The following SPATA9 variants were observed in gnomAD, a reference collection of about 807,000 sequenced individuals.
SPATA9 encodes the protein spermatogenesis associated 9, also known as spermatogenesis-associated protein 9.
A neutral mutation model predicts 25.5 loss-of-function variants in SPATA9; 27 were observed. That is an observed-to-expected ratio of 1.06 (90% CI 0.78 to 1.46). The LOEUF (loss-of-function observed/expected upper bound fraction) is 1.46, where lower values mean the gene tolerates loss of function less well. Among genes scored for constraint, SPATA9 ranks in the 40% most tolerant of loss-of-function variants. The probability of loss-of-function intolerance (pLI) is 0.00; values close to 1 mark genes in which losing one functional copy is unlikely to be tolerated. For synonymous variants in SPATA9, 102 were observed against 105.7 expected (o/e 0.97, Z 0.21); for missense variants, 282 against 297.5 (o/e 0.95, Z 0.38).
the SPATA9 span, among the ~76,000 whole-genome samples, chr5:95,706,107 G>C: frequency 6.6e-6 from 1 of 152,042 alleles, no homozygotes; most frequent in Non-Finnish European, 1.5e-5. Flanking sequence ...TTTTAGACTG[G>C]TTTGTAACAG....
At chr5:95,722,432 CT>C in the SPATA9 span, among the ~76,000 whole-genome samples, 2 of 152,068 alleles carry the variant, frequency 1.3e-5, no homozygotes, top group African/African-American at 2.4e-5. Context: ...ATCAATGGTG[CT>C]TGATAATAAT....
intron 2 of SPATA9, among the ~76,000 whole-genome samples, chr5:95,679,075 T>A (rs1163686583): frequency 6.6e-6 from 1 of 152,232 alleles, no homozygotes. Context: ...GATGTCACCA[T>A]AAACCATGCT....
the SPATA9 span, chr5:95,731,915 G>T: frequency 6.2e-7 from 1 of 1,614,094 alleles, no homozygotes; most frequent in Non-Finnish European, 8.5e-7. Context: ...CAGGACAACC[G>T]GCCGTCGGGG....
the SPATA9 span, chr5:95,731,562 G>A: frequency 2.2e-5 from 32 of 1,481,902 alleles, no homozygotes; most frequent in African/African-American, 1.4e-4. Flanking sequence ...CGGTGGAGGC[G>A]CGCGAGGGGG....
chr5:95,730,354 T>G, the SPATA9 span, among the ~76,000 whole-genome samples: 1 of 152,226 alleles, frequency 6.6e-6, no homozygotes, highest in East Asian at 1.9e-4. Context: ...AGGTACTGGT[T>G]AGAATTTTAA....
At chr5:95,714,382 C>G in the SPATA9 span, among the ~76,000 whole-genome samples, 3 of 152,186 alleles carry the variant, frequency 2.0e-5, no homozygotes, top group Non-Finnish European at 4.4e-5. Context: ...CCCGAAGAAA[C>G]ATCAACATGT....
chr5:95,652,800 A>G (rs1180099056), downstream of SPATA9: 8 of 329,416 alleles, frequency 2.4e-5, no homozygotes, highest in South Asian at 6.2e-5. Flanking sequence ...TATCCCCTAC[A>G]GCATCAACCC....
chr5:95,731,454 A>G, the SPATA9 span: 1 of 1,212,810 alleles, frequency 8.2e-7, no homozygotes, highest in Non-Finnish European at 1.0e-6. Flanking sequence ...GCACTCCCTG[A>G]GTAGCGGCAG....
At chr5:95,714,736 CAAAAAA>C in the SPATA9 span, among the ~76,000 whole-genome samples, 1,270 of 138,044 alleles carry the variant, frequency 9.2e-3, 21 homozygotes, top group African/African-American at 0.031. Context: ...AAATCAATTT[CAAAAAA>C]AAAAAAAAAA....
rs1291397921 is a variant in SPATA9, at chr5:95,658,700, C to A, written c.688G>T (p.Ala230Ser). 3 of 1,613,730 alleles carry A rather than the reference C, an allele frequency of 1.9e-6. No individual in the cohort carries two copies. The Middle Eastern group carries it at 4.9e-4, about 266-fold the overall frequency. ...TGGATGTTATTACTCTGCTTATTAGCAAGAAGCTTGGGGTAATCTGAAATG... is the reference window on the plus strand; with the variant it reads ...TGGATGTTATTACTCTGCTTATTAGAAAGAAGCTTGGGGTAATCTGAAATG... Reference protein sequence around the residue: ...PDISDYPKLLANKQSNNIQVL... With the variant: ...PDISDYPKLLSNKQSNNIQVL... The change falls in exon 5 of 5, where the codon GCT (alanine) becomes TCT (serine). Residue 230 changes from alanine (A) to serine (S), a missense_variant. Transcript: ENST00000274432.
At chr5:95,730,372 T>C in the SPATA9 span, among the ~76,000 whole-genome samples, 4 of 152,240 alleles carry the variant, frequency 2.6e-5, no homozygotes, top group African/African-American at 9.6e-5. Flanking sequence ...TAATACTGTA[T>C]GGAGGAGTCT....
chr5:95,693,830 A>G (rs1427215499), intron 1 of SPATA9, among the ~76,000 whole-genome samples: 1 of 152,156 alleles, frequency 6.6e-6, no homozygotes, highest in Non-Finnish European at 1.5e-5. Context: ...AGAATCTTCC[A>G]TGTTGGAAAT....
downstream of SPATA9, chr5:95,654,177 G>A (rs1750558825): frequency 1.2e-6 from 2 of 1,612,776 alleles, no homozygotes; most frequent in African/African-American, 2.7e-5. Flanking sequence ...GTCCATGATA[G>A]AGAAGTGGTC....
At chr5:95,653,278 G>A in intron 8 of SPATA9, 1 of 1,544,252 alleles carries the variant, frequency 6.5e-7, no homozygotes, top group East Asian at 2.4e-5. Flanking sequence ...ATCTGGTTGT[G>A]CCTGTAAGAG....
At chr5:95,729,303 C>T in the SPATA9 span, among the ~76,000 whole-genome samples, 2 of 152,152 alleles carry the variant, frequency 1.3e-5, no homozygotes, top group African/African-American at 4.8e-5. Context: ...TTCTTAAGGT[C>T]AATGACCAAG....
the SPATA9 span, among the ~76,000 whole-genome samples, chr5:95,715,855 A>C: frequency 6.6e-6 from 1 of 152,262 alleles, no homozygotes; most frequent in Admixed American, 6.5e-5. Context: ...TCTAGAATAC[A>C]GAAAGAATTT....
At position 95,662,634 on chromosome 5, in the gene SPATA9, T is replaced by C. The variant is rs564682803; in HGVS notation, c.474+1319A>G. Among the ~76,000 whole-genome samples the C allele has an allele frequency of 1.5e-3, 223 of 152,298 alleles. 3 individuals are homozygous for C. The South Asian group carries it at 0.043, about 29-fold the overall frequency. On this transcript the variant is annotated intron_variant, in intron 4 of 4. Transcript: ENST00000274432. Reference sequence around the variant, plus strand: ...AAGTCACGGAGTAAGAGAAGAAATTTGTCCATATATAATCAAAAAAGGACA... The same window carrying C: ...AAGTCACGGAGTAAGAGAAGAAATTCGTCCATATATAATCAAAAAAGGACA...
At chr5:95,682,680 AC>A (rs1427274726) in intron 1 of SPATA9, 64 bp from the exon 2 acceptor site, 1 of 1,510,750 alleles carries the variant, frequency 6.6e-7, no homozygotes, top group African/African-American at 1.4e-5. Context: ...TTTCAAAAGA[AC>A]ATGAAACACT....
intron 3 of SPATA9, chr5:95,674,668 A>C: frequency 2.4e-6 from 1 of 425,394 alleles, no homozygotes; most frequent in Non-Finnish European, 4.7e-6. Flanking sequence ...AAGGATCCGG[A>C]AGGTATCGTT....
Sources: gnomAD v4.1 joint callset for allele counts (sites outside exome capture counted in the v4.1 genomes callset) on GRCh38, gnomAD v4.1.1 for gene constraint, MANE v1.5 for transcripts, NCBI Gene and HGNC (gene_info 2026-07-23, HGNC 2026-07-21) for gene names.